MECOM: variants seen among roughly 807,000 people sequenced by gnomAD.
MECOM encodes histone-lysine N-methyltransferase MECOM.
Under a neutral mutation model 116.3 loss-of-function variants are expected in MECOM, and 13 were observed. The observed-to-expected ratio is 0.11, with a 90% CI of 0.07 to 0.18. The LOEUF is 0.18. MECOM is among the 10% of genes least tolerant of loss of function. The pLI, the probability that MECOM is intolerant of heterozygous loss-of-function variation, is 1.00. For missense variants in MECOM, 1,299 were observed against 1,509.0 expected (o/e 0.86, Z 2.31); for synonymous variants, 528 against 535.2 (o/e 0.99, Z 0.19).
chr3:169,578,029 A>G (rs533637679), intron 1 of MECOM, among the ~76,000 whole-genome samples: 1 of 152,280 alleles, frequency 6.6e-6, no homozygotes, highest in African/African-American at 2.4e-5. Flanking sequence ...GATGCTTCGT[A>G]CTAAGAAAAA....
At chr3:169,223,388 T>G (rs1752362719) in intron 2 of MECOM, among the ~76,000 whole-genome samples, 3 of 150,090 alleles carry the variant, frequency 2.0e-5, no homozygotes, top group African/African-American at 7.4e-5. Flanking sequence ...ATGTGGTGTT[T>G]GGTTTTCTGT....
intron 1 of MECOM, among the ~76,000 whole-genome samples, chr3:169,639,459 T>G (rs531865343): frequency 6.6e-6 from 1 of 152,334 alleles, no homozygotes; most frequent in Non-Finnish European, 1.5e-5. Context: ...TGTGATAGTC[T>G]GAAGCCAACA....
chr3:169,131,474 T>C lies in MECOM; in HGVS notation c.568A>G (p.Lys190Glu). Residue 190 changes from lysine (K) to glutamate (E), a missense_variant, in exon 4 of 17, where the codon AAG (lysine) becomes GAG (glutamate). Around this residue, in one of 6 missense-constraint regions of MECOM, gnomAD observed 374 missense variants for 433.4 expected, o/e 0.86. Transcript: ENST00000651503. ...GTTTCATGGGGATAGTCTTCGCTCTTCATGAACAGCAGAAGCTCCTCTCCC... is the reference window on the plus strand; with the variant it reads ...GTTTCATGGGGATAGTCTTCGCTCTCCATGAACAGCAGAAGCTCCTCTCCC... ...APGEELLLFM[K>E]SEDYPHETMA... 1 of 1,614,012 alleles carries C rather than the reference T, an allele frequency of 6.2e-7. No individual in the cohort carries two copies. The highest frequency in any genetic ancestry group is 8.5e-7 in the Non-Finnish European group (1 of 1,180,010).
At chr3:169,549,404 GA>G (rs34667128) in intron 1 of MECOM, among the ~76,000 whole-genome samples, 25,340 of 126,058 alleles carry the variant, frequency 0.2, 2,947 homozygotes, top group East Asian at 0.71. Flanking sequence ...TGTAAGTAAA[GA>G]AAAAAAAAAA....
intron 2 of MECOM, among the ~76,000 whole-genome samples, chr3:169,148,981 T>C (rs1281151346): frequency 6.6e-6 from 1 of 152,030 alleles, no homozygotes; most frequent in Non-Finnish European, 1.5e-5. Flanking sequence ...CGGTCAGATA[T>C]TCCCGTAGAG....
intron 1 of MECOM, among the ~76,000 whole-genome samples, chr3:169,403,414 G>A (rs1293060797): frequency 6.6e-6 from 1 of 151,958 alleles, no homozygotes; most frequent in Non-Finnish European, 1.5e-5. Flanking sequence ...CATTGTAATG[G>A]GTGCAATAGA....
chr3:169,130,284 C>T (rs1454517771), intron 4 of MECOM, among the ~76,000 whole-genome samples: 1 of 152,066 alleles, frequency 6.6e-6, no homozygotes, highest in Non-Finnish European at 1.5e-5. Context: ...AGAGAAAGCC[C>T]AGATTGCAGT....
intron 2 of MECOM, among the ~76,000 whole-genome samples, chr3:169,309,370 A>G (rs565184321): frequency 6.6e-6 from 1 of 152,316 alleles, no homozygotes; most frequent in South Asian, 2.1e-4. Flanking sequence ...AATTGAATAA[A>G]CTCATTCAAG....
In MECOM at chr3:169,095,618, T is replaced by C. The variant is rs145231889; in HGVS notation, c.2850-373A>G. Among the ~76,000 whole-genome samples, 276 of 152,264 alleles carry C rather than the reference T, an allele frequency of 1.8e-3. 1 individual carries two copies. Among genetic ancestry groups the C allele is most frequent in the African/African-American group, 6.5e-3 (271 of 41,560 alleles). ...AAACAAACAAAAAACATTCATATAGTTTTCAAATACAATAAAATATCACTT... is the reference window on the plus strand; with the variant it reads ...AAACAAACAAAAAACATTCATATAGCTTTCAAATACAATAAAATATCACTT... On this transcript the variant is annotated intron_variant, in intron 12 of 16. Transcript: ENST00000651503.
chr3:169,566,057 G>A (rs1276667852), intron 1 of MECOM: 2 of 380,608 alleles, frequency 5.3e-6, no homozygotes, highest in South Asian at 4.0e-5. Context: ...ATGGAGGCAG[G>A]AGAGAGAAAG....
intron 1 of MECOM, among the ~76,000 whole-genome samples, chr3:169,416,907 T>C (rs1738719623): frequency 6.6e-6 from 1 of 152,150 alleles, no homozygotes; most frequent in Admixed American, 6.6e-5. Context: ...TGGCCATATG[T>C]AGAAAGCTGA....
chr3:169,488,372 C>CAA (rs758493062), intron 1 of MECOM, among the ~76,000 whole-genome samples: 1,742 of 62,312 alleles, frequency 0.028, 57 homozygotes, highest in African/African-American at 0.084. Context: ...ACTAAAAATA[C>CAA]AAAAAAAAAA....
chr3:169,121,432 C>T (rs2149118741), intron 6 of MECOM, among the ~76,000 whole-genome samples: 1 of 152,288 alleles, frequency 6.6e-6, no homozygotes, highest in Non-Finnish European at 1.5e-5. Flanking sequence ...CCACTGGTAT[C>T]AGTTGAACCA....
chr3:169,102,468 A>G (rs1243026224), intron 10 of MECOM, among the ~76,000 whole-genome samples: 1 of 152,222 alleles, frequency 6.6e-6, no homozygotes, highest in African/African-American at 2.4e-5. Context: ...TGGTTAGGCC[A>G]TTTTATCATA....
intron 1 of MECOM, among the ~76,000 whole-genome samples, chr3:169,558,442 A>T (rs1762282471): frequency 6.6e-6 from 1 of 152,194 alleles, no homozygotes; most frequent in African/African-American, 2.4e-5. Context: ...TCGGACCCCA[A>T]GGCATGGCTT....
intron 2 of MECOM, among the ~76,000 whole-genome samples, chr3:169,244,097 A>G (rs1012810124): frequency 6.6e-6 from 1 of 152,162 alleles, no homozygotes; most frequent in Non-Finnish European, 1.5e-5. Context: ...CATATACTTT[A>G]ACCAGAAATG....
intron 2 of MECOM, among the ~76,000 whole-genome samples, chr3:169,306,995 G>C (rs2149722605): frequency 1.3e-5 from 2 of 152,252 alleles, no homozygotes; most frequent in South Asian, 4.2e-4. Context: ...CTGTCCACTT[G>C]ATGCCAACAT....
intron 2 of MECOM, among the ~76,000 whole-genome samples, chr3:169,171,509 A>G (rs936093977): frequency 6.6e-6 from 1 of 152,172 alleles, no homozygotes; most frequent in Non-Finnish European, 1.5e-5. Flanking sequence ...AAGCTCTTTA[A>G]CATTTATACC....
intron 1 of MECOM, among the ~76,000 whole-genome samples, chr3:169,452,155 C>T (rs1182421676): frequency 1.3e-5 from 2 of 151,710 alleles, no homozygotes; most frequent in Admixed American, 6.6e-5. Context: ...TTTGGTAAGC[C>T]GGGTCATCAC....
Sources: allele counts gnomAD v4.1 joint callset (sites outside exome capture counted in the v4.1 genomes callset), GRCh38; gene constraint gnomAD v4.1.1; regional missense constraint gnomAD v4.1.1; transcripts MANE v1.5; gene names NCBI Gene and HGNC (gene_info 2026-07-23, HGNC 2026-07-21).